EIF5B: variants seen among roughly 807,000 people sequenced by gnomAD.
EIF5B encodes eIF-5B.
In EIF5B, 47 loss-of-function variants were observed where a neutral mutation model predicts 147.5. The ratio of observed to expected loss-of-function variants is 0.32; its 90% CI spans 0.25 to 0.41. The LOEUF (loss-of-function observed/expected upper bound fraction) is 0.41, where lower values mean the gene tolerates loss of function less well. Ranked by LOEUF, EIF5B falls within the 10% of genes least tolerant of loss-of-function variation. The probability of loss-of-function intolerance (pLI) is 1.00; values close to 1 mark genes in which losing one functional copy is unlikely to be tolerated. For missense variants in EIF5B, 1,064 were observed against 1,413.2 expected (o/e 0.75, Z 3.96); for synonymous variants, 455 against 456.2 (o/e 1.00, Z 0.03).
intron 22 of EIF5B, 38 bp from the exon 23 acceptor site, chr2:99,398,710 T>C: frequency 6.3e-7 from 1 of 1,577,760 alleles, no homozygotes; most frequent in Non-Finnish European, 8.6e-7. Context: ...TTGGCATGAA[T>C]TCTTCTGCAT....
chr2:99,339,670 T>C (rs938770712), intron 1 of EIF5B, among the ~76,000 whole-genome samples: 1 of 152,132 alleles, frequency 6.6e-6, no homozygotes, highest in Non-Finnish European at 1.5e-5. Flanking sequence ...ATCCGGCTTA[T>C]ATGTTTCCCT....
intron 15 of EIF5B, 137 bp downstream of exon 15, chr2:99,389,986 C>T: frequency 7.9e-7 from 1 of 1,272,926 alleles, no homozygotes; most frequent in Non-Finnish European, 1.1e-6. Flanking sequence ...AATTCTTCTT[C>T]CCTTTTCTCC....
Position 99,338,993 on chromosome 2 carries a change from A to AATATATATATATACAAATATATAT in EIF5B, c.35+1415_35+1416insTACAAATATATATATATATATATA, listed in dbSNP as rs11272483. On this transcript the variant is annotated intron_variant, in intron 1 of 23. Transcript: ENST00000289371. ...ATATATATATACAAATATATACACA[A>AATATATATATATACAAATATATAT]ATATATATATACATTTTTTTTTTTT... Among the ~76,000 whole-genome samples, 750 of 132,698 alleles carry AATATATATATATACAAATATATAT rather than the reference A, an allele frequency of 5.7e-3. 7 individuals are homozygous for AATATATATATATACAAATATATAT. The highest frequency in any genetic ancestry group is 8.4e-3 in the African/African-American group (311 of 36,882). The allele number at this position is 132,698 out of a possible 152,430, so 87.1% of individuals were successfully genotyped here.
chr2:99,382,393 T>C (rs1370574939), intron 13 of EIF5B, among the ~76,000 whole-genome samples, 167 bp downstream of exon 13: 1 of 152,222 alleles, frequency 6.6e-6, no homozygotes, highest in Non-Finnish European at 1.5e-5. Flanking sequence ...ACTTGTTTTT[T>C]ATAGAGGGAA....
At chr2:99,378,478 TTTAC>T (rs1162393415) in intron 10 of EIF5B, among the ~76,000 whole-genome samples, 1 of 152,208 alleles carries the variant, frequency 6.6e-6, no homozygotes, top group Non-Finnish European at 1.5e-5. Flanking sequence ...CAGGACATGT[TTTAC>T]TTATTTAAGC....
intron 1 of EIF5B, 49 bp downstream of exon 1, chr2:99,337,638 A>T (rs776221984): frequency 1.6e-5 from 25 of 1,578,484 alleles, no homozygotes; most frequent in Non-Finnish European, 2.1e-5. Flanking sequence ...GGCTCAGTGG[A>T]GTGTGCGGGT....
chr2:99,350,306 C>T (rs932560007), intron 1 of EIF5B, among the ~76,000 whole-genome samples: 1 of 152,060 alleles, frequency 6.6e-6, no homozygotes, highest in Non-Finnish European at 1.5e-5. Context: ...CTATATAGAC[C>T]CAATGGTGGA....
At chr2:99,338,922 G>GTGTA (rs10644172) in intron 1 of EIF5B, among the ~76,000 whole-genome samples, 48,566 of 141,984 alleles carry the variant, frequency 0.34, 9,078 homozygotes, top group East Asian at 0.6. Flanking sequence ...AGAAGTGTGT[G>GTGTA]TATATATATA....
At chr2:99,371,501 A>AG (rs1674450872) in intron 8 of EIF5B, among the ~76,000 whole-genome samples, 155 bp from the exon 9 acceptor site, 1 of 152,092 alleles carries the variant, frequency 6.6e-6, no homozygotes, top group African/African-American at 2.4e-5. Context: ...AAAAAAAAAA[A>AG]AAAAGATAGT....
At chr2:99,360,006 G>T (rs1190660058) in intron 1 of EIF5B, among the ~76,000 whole-genome samples, 1 of 151,936 alleles carries the variant, frequency 6.6e-6, no homozygotes, top group Admixed American at 6.6e-5. Flanking sequence ...TTTTTTTCTG[G>T]AGCTTTTCAT....
intron 1 of EIF5B, among the ~76,000 whole-genome samples, chr2:99,345,403 G>A (rs2094270464): frequency 6.6e-6 from 1 of 151,950 alleles, no homozygotes. Context: ...GACCAGCCTG[G>A]CCAACATAGC....
In EIF5B at chr2:99,400,371, C is replaced by T. The variant is rs1294843295; in HGVS notation, c.*957C>T. 6.6e-6 allele frequency: 1 copy of T among 151,964 alleles called. No homozygotes were observed. The highest frequency in any genetic ancestry group is 2.4e-5 in the African/African-American group (1 of 41,264). The allele number at this position is 151,964 out of a possible 1,614,324, so 9.4% of individuals were successfully genotyped here. Reference sequence around the variant, plus strand: ...CTTCTAAATTGTTGCAGACACAAAACTTAATGATTCATTCGTAGTAGTAAT... The same window carrying T: ...CTTCTAAATTGTTGCAGACACAAAATTTAATGATTCATTCGTAGTAGTAAT... On this transcript the variant is annotated 3_prime_UTR_variant, in exon 24 of 24. Transcript: ENST00000289371.
intron 1 of EIF5B, among the ~76,000 whole-genome samples, chr2:99,355,073 G>T (rs1674067356): frequency 6.6e-6 from 1 of 152,134 alleles, no homozygotes; most frequent in Non-Finnish European, 1.5e-5. Context: ...AAAGTGTTGG[G>T]ATTACAGGCG....
At chr2:99,386,468 CGT>C (rs61494312) in intron 14 of EIF5B, among the ~76,000 whole-genome samples, 1,709 of 142,406 alleles carry the variant, frequency 0.012, 15 homozygotes, top group Non-Finnish European at 0.017. Flanking sequence ...TTTTGTTTTG[CGT>C]GTGTGTGTGT....
intron 1 of EIF5B, among the ~76,000 whole-genome samples, chr2:99,340,183 G>T (rs1240157591): frequency 1.3e-5 from 2 of 152,118 alleles, no homozygotes; most frequent in Non-Finnish European, 2.9e-5. Flanking sequence ...GAGATATTGG[G>T]AGATGGGGAA....
chr2:99,353,709 A>G (rs1190319266), intron 1 of EIF5B, among the ~76,000 whole-genome samples: 1 of 152,156 alleles, frequency 6.6e-6, no homozygotes, highest in Non-Finnish European at 1.5e-5. Context: ...ACCTGTCTCT[A>G]ACCTCAGGTG....
At chr2:99,378,949 A>G (rs2104222367) in intron 10 of EIF5B, 70 bp from the exon 11 acceptor site, 1 of 1,261,130 alleles carries the variant, frequency 7.9e-7, no homozygotes, top group South Asian at 1.8e-5. Context: ...CCAAGGCAAA[A>G]CAGAAAATAA....
chr2:99,377,952 A>G (rs1399124473), intron 10 of EIF5B, among the ~76,000 whole-genome samples: 5 of 152,138 alleles, frequency 3.3e-5, no homozygotes. Context: ...TTTGTAACTT[A>G]TTGCCCTCCA....
intron 10 of EIF5B, among the ~76,000 whole-genome samples, 171 bp from the exon 11 acceptor site, chr2:99,378,848 G>A (rs1431725140): frequency 6.6e-6 from 1 of 152,134 alleles, no homozygotes; most frequent in Admixed American, 6.5e-5. Flanking sequence ...GTGCTGTGAT[G>A]GGAATTCGAT....
Sources: gnomAD v4.1 joint callset for allele counts (sites outside exome capture counted in the v4.1 genomes callset) on GRCh38, gnomAD v4.1.1 for gene constraint, MANE v1.5 for transcripts, NCBI Gene and HGNC (gene_info 2026-07-23, HGNC 2026-07-21) for gene names.